GSTZ1: variants seen among roughly 807,000 people sequenced by gnomAD.
GSTZ1 encodes the protein maleylacetoacetate isomerase.
Under a neutral mutation model 35.9 loss-of-function variants are expected in GSTZ1, and 34 were observed. The ratio of observed to expected loss-of-function variants is 0.95; its 90% CI spans 0.72 to 1.26. The LOEUF (loss-of-function observed/expected upper bound fraction) is 1.26. Ranked by LOEUF, GSTZ1 falls within the 50% of genes most tolerant of loss-of-function variation. The pLI is 0.00. For missense variants in GSTZ1, 263 were observed against 271.7 expected (o/e 0.97, Z 0.23); for synonymous variants, 93 against 101.2 (o/e 0.92, Z 0.49).
chr14:77,324,977 T>C, intron 2 of GSTZ1, 56 bp downstream of exon 2: 4 of 1,449,570 alleles, frequency 2.8e-6, no homozygotes, highest in Non-Finnish European at 3.9e-6. Flanking sequence ...CTGGGGCGGA[T>C]AAGCCCGGGT....
intron 1 of GSTZ1, 129 bp downstream of exon 1, chr14:77,321,312 G>C (rs1476865722): frequency 2.6e-6 from 4 of 1,528,472 alleles, no homozygotes; most frequent in Admixed American, 2.0e-5. Context: ...GCTTTGCGCC[G>C]GGCACGCTCT....
chr14:77,328,601 C>A (rs1166435895), intron 5 of GSTZ1: 1 of 173,468 alleles, frequency 5.8e-6, no homozygotes, highest in African/African-American at 2.4e-5. Flanking sequence ...CCGCATGTCG[C>A]TTTAACAAAG....
chr14:77,322,708 A>G (rs1892088285), intron 1 of GSTZ1: 1 of 985,460 alleles, frequency 1.0e-6, no homozygotes, highest in Non-Finnish European at 1.2e-6. Context: ...CTGTGCCAGG[A>G]CCATCTTTAC....
chr14:77,331,524 C>G lies in GSTZ1; in HGVS notation c.*329C>G, dbSNP rs1167758107. On this transcript the variant is annotated 3_prime_UTR_variant, in exon 9 of 9. Transcript: ENST00000216465. ...AAGGCTGTGTGCCTTTTCTCATCCG[C>G]TTTTGTTGTGTGTGACTCCAAAGAA... 4.0e-6 allele frequency: 1 copy of G among 249,002 alleles called. No individual in the cohort carries two copies. Among genetic ancestry groups the G allele is most frequent in the Non-Finnish European group, 7.8e-6 (1 of 127,922 alleles). The allele number at this position is 249,002 out of a possible 1,614,324, so 15.4% of individuals were successfully genotyped here. A position where few individuals can be genotyped will look rare whatever the true frequency, so the allele number is the denominator to read the frequency against.
In GSTZ1 at chr14:77,329,856, C is replaced by G. The variant is rs558022516; in HGVS notation, c.474+49C>G. 6.4e-5 allele frequency: 88 copies of G among 1,373,984 alleles called. No homozygotes were observed. In the South Asian group the frequency reaches 9.6e-4, roughly 15 times the overall value. 85.1% of individuals were successfully genotyped at this position (1,373,984 alleles called of 1,614,324 possible). On this transcript the variant is annotated intron_variant, in intron 7 of 8. Coordinates refer to ENST00000216465, the MANE Select transcript of GSTZ1 (RefSeq NM_145870.3). ...AGGCCCAGCCACAGTGGCTGCCTCC[C>G]TCATGCTGACCTCCCTCAAGCTCAG...
intron 8 of GSTZ1, 56 bp from the exon 9 acceptor site, chr14:77,331,013 G>T: frequency 6.4e-7 from 1 of 1,567,518 alleles, no homozygotes; most frequent in South Asian, 1.2e-5. Context: ...GCTGCATCAG[G>T]GCAGTCTCCC....
chr14:77,325,351 C>G (rs1892267018), intron 2 of GSTZ1: 1 of 213,828 alleles, frequency 4.7e-6, no homozygotes, highest in Non-Finnish European at 9.6e-6. Flanking sequence ...GGCCCTGTGG[C>G]TAGTCCTTGT....
At chr14:77,328,998 G>T in intron 5 of GSTZ1, 125 bp from the exon 6 acceptor site, 1 of 759,958 alleles carries the variant, frequency 1.3e-6, no homozygotes, top group Non-Finnish European at 2.4e-6. Flanking sequence ...CATGGAGCCT[G>T]GGGGAGAAGG....
chr14:77,328,175 T>C (rs1262577553), intron 5 of GSTZ1, 138 bp downstream of exon 5: 1 of 824,446 alleles, frequency 1.2e-6, no homozygotes, highest in Non-Finnish European at 1.9e-6. Flanking sequence ...CTGGACCATG[T>C]GAAAGAAGGG....
chr14:77,330,681 G>C (rs144062541), intron 8 of GSTZ1, among the ~76,000 whole-genome samples: 3 of 152,228 alleles, frequency 2.0e-5, no homozygotes, highest in East Asian at 3.9e-4. Context: ...CTCTACCTCT[G>C]CATCCTTCCG....
rs1892484813 is a variant in GSTZ1, at chr14:77,329,192, G to A, written c.412G>A (p.Gly138Ser). The part of the protein sequence containing the change: ...LTWAQNAITC[G>S]FNALEQILQS... ...CTGGGCCCAGAACGCCATCACTTGTGGCTTTAACGGTGAGTCCTCACCTCT... is the reference window on the plus strand; with the variant it reads ...CTGGGCCCAGAACGCCATCACTTGTAGCTTTAACGGTGAGTCCTCACCTCT... The change falls in exon 6 of 9, where the codon GGC becomes AGC. Residue 138 changes from glycine to serine, a missense_variant. By Grantham distance (56) the Gly-to-Ser change is moderately conservative. Transcript: ENST00000216465. 1 of 1,605,336 alleles carries A rather than the reference G, an allele frequency of 6.2e-7. No homozygotes were observed. The highest frequency in any genetic ancestry group is 1.1e-5 in the South Asian group (1 of 90,962).
rs763705680 is a variant in GSTZ1, at chr14:77,330,372, C to T, written c.524+13C>T. 1.2e-6 allele frequency: 2 copies of T among 1,604,850 alleles called. No homozygotes were observed. The highest frequency in any genetic ancestry group is 1.7e-6 in the Non-Finnish European group (2 of 1,171,548). On this transcript the variant is annotated intron_variant, in intron 8 of 8. Coordinates refer to ENST00000216465, the MANE Select transcript of GSTZ1 (RefSeq NM_145870.3). The stretch of plus-strand genomic sequence containing the variant: ...CAAATGCTGAAAGGTAAGAGAGAGC[C>T]CCGCCACCCTCCCTTCTCGTGGCTC...
At chr14:77,330,488 A>G in intron 8 of GSTZ1, 129 bp downstream of exon 8, 1 of 778,524 alleles carries the variant, frequency 1.3e-6, no homozygotes, top group East Asian at 2.5e-5. Context: ...GCCAGGCCAC[A>G]TAGCCACTTC....
chr14:77,321,107 C>G lies in GSTZ1; in HGVS notation c.-62C>G. 7.0e-7 allele frequency: 1 copy of G among 1,429,450 alleles called. No individual in the cohort carries two copies. Among genetic ancestry groups the G allele is most frequent in the Non-Finnish European group, 9.2e-7 (1 of 1,081,402 alleles). 88.5% of individuals were successfully genotyped at this position (1,429,450 alleles called of 1,614,324 possible). A position where few individuals can be genotyped will look rare whatever the true frequency, so the allele number is the denominator to read the frequency against. On this transcript the variant is annotated 5_prime_UTR_variant, in exon 1 of 9. Transcript: ENST00000216465. ...TCGTCGAGTCTCACTGAGCCTTAGT[C>G]GTCGGCAGGTCCCAGGCGCGAAGTT...
intron 7 of GSTZ1, 172 bp downstream of exon 7, chr14:77,329,979 A>G: frequency 1.5e-6 from 1 of 655,198 alleles, no homozygotes; most frequent in Admixed American, 2.2e-5. Flanking sequence ...TACTCAAGGT[A>G]GAAGACTGGC....
At chr14:77,329,298 GC>G in intron 6 of GSTZ1, 97 bp downstream of exon 6, 1 of 848,164 alleles carries the variant, frequency 1.2e-6, no homozygotes, top group Non-Finnish European at 2.0e-6. Flanking sequence ...CTCCCAGGCT[GC>G]TTTGGGCCTG....
intron 3 of GSTZ1, 23 bp from the exon 4 acceptor site, chr14:77,327,449 C>T: frequency 6.4e-7 from 1 of 1,555,568 alleles, no homozygotes; most frequent in Non-Finnish European, 8.8e-7. Flanking sequence ...GCCACCCAGC[C>T]CACCAGGGCC....
intron 5 of GSTZ1, 96 bp downstream of exon 5, chr14:77,328,133 A>T: frequency 3.4e-4 from 360 of 1,060,136 alleles, no homozygotes; most frequent in East Asian, 4.6e-4. Context: ...GGGGGTGTCA[A>T]GGGAGGGAGG....
intron 5 of GSTZ1, 125 bp downstream of exon 5, chr14:77,328,162 G>A (rs2139577557): frequency 1.1e-6 from 1 of 922,394 alleles, no homozygotes; most frequent in Non-Finnish European, 1.6e-6. Context: ...CAGGGCCTCT[G>A]ACCTGGACCA....
Sources: gnomAD v4.1 joint callset for allele counts (sites outside exome capture counted in the v4.1 genomes callset) on GRCh38, gnomAD v4.1.1 for gene constraint, MANE v1.5 for transcripts, NCBI Gene and HGNC (gene_info 2026-07-23, HGNC 2026-07-21) for gene names.